Variants in GRIK1 observed in about 807,000 individuals in gnomAD.
GRIK1 encodes the protein glutamate receptor ionotropic, kainate 1.
In GRIK1, 69 loss-of-function variants were observed where a neutral mutation model predicts 105.7. That is an observed-to-expected ratio of 0.65 (90% CI 0.54 to 0.80). GRIK1 has a LOEUF of 0.80. Among genes scored for constraint, GRIK1 ranks in the 30% least tolerant of loss-of-function variants. The probability of loss-of-function intolerance (pLI) is 0.00; values close to 1 mark genes in which losing one functional copy is unlikely to be tolerated. For synonymous variants in GRIK1, 438 were observed against 431.3 expected (o/e 1.02, Z -0.19); for missense variants, 1,109 against 1,167.3 (o/e 0.95, Z 0.73).
chr21:29,633,888 G>A (rs1446396256), intron 7 of GRIK1, among the ~76,000 whole-genome samples: 2 of 152,160 alleles, frequency 1.3e-5, no homozygotes, highest in African/African-American at 4.8e-5. Context: ...TTTTTCTGAA[G>A]AGTAGAAATT....
At chr21:29,706,093 CA>C (rs2063902323) in intron 1 of GRIK1, among the ~76,000 whole-genome samples, 1 of 152,098 alleles carries the variant, frequency 6.6e-6, no homozygotes, top group East Asian at 1.9e-4. Context: ...AGGCTGGTCT[CA>C]AACTCCTGAC....
At chr21:29,791,725 T>C in intron 1 of GRIK1, among the ~76,000 whole-genome samples, 1 of 152,150 alleles carries the variant, frequency 6.6e-6, no homozygotes, top group East Asian at 1.9e-4. Flanking sequence ...AGAGAAATGC[T>C]GACTACTAAG....
intron 1 of GRIK1, among the ~76,000 whole-genome samples, chr21:29,762,475 T>C (rs2065552341): frequency 1.3e-5 from 2 of 152,218 alleles, no homozygotes; most frequent in South Asian, 4.1e-4. Context: ...AACTTATTCA[T>C]CCTAGTCTTC....
intron 4 of GRIK1, among the ~76,000 whole-genome samples, chr21:29,672,582 G>C (rs879484748): frequency 6.6e-6 from 1 of 152,142 alleles, no homozygotes; most frequent in Non-Finnish European, 1.5e-5. Flanking sequence ...TGACAAAAAG[G>C]TCTTGCCATG....
At chr21:29,840,808 T>C (rs556315449) in intron 1 of GRIK1, among the ~76,000 whole-genome samples, 1 of 152,130 alleles carries the variant, frequency 6.6e-6, no homozygotes, top group South Asian at 2.1e-4. Flanking sequence ...AATCCAAAAA[T>C]AATACACTAT....
At chr21:29,643,057 TC>T in intron 6 of GRIK1, 88 bp from the exon 7 acceptor site, 4 of 1,284,862 alleles carry the variant, frequency 3.1e-6, no homozygotes. Context: ...CTTCCATAGC[TC>T]TTATCTGTCT....
chr21:29,787,761 A>G (rs2066298147), intron 1 of GRIK1, among the ~76,000 whole-genome samples: 1 of 152,206 alleles, frequency 6.6e-6, no homozygotes, highest in African/African-American at 2.4e-5. Flanking sequence ...TGCAACAGAC[A>G]TTTTTTGGTA....
At chr21:29,817,816 C>G (rs2067194296) in intron 1 of GRIK1, among the ~76,000 whole-genome samples, 1 of 152,090 alleles carries the variant, frequency 6.6e-6, no homozygotes, top group Admixed American at 6.6e-5. Flanking sequence ...ATAATAAATA[C>G]AGAGTCATTT....
intron 7 of GRIK1, among the ~76,000 whole-genome samples, chr21:29,635,978 A>G (rs1485004433): frequency 6.6e-6 from 1 of 152,212 alleles, no homozygotes; most frequent in Non-Finnish European, 1.5e-5. Context: ...AATTAGCTTC[A>G]GAAATCTCCC....
chr21:29,628,585 A>C (rs1601317594), intron 7 of GRIK1, among the ~76,000 whole-genome samples: 1 of 152,166 alleles, frequency 6.6e-6, no homozygotes, highest in South Asian at 2.1e-4. Context: ...ACAAAAAGCT[A>C]GTTTTGTTTG....
At chr21:29,867,890 GAGAGAGAGAGAGAA>G (rs1569174341) in intron 1 of GRIK1, among the ~76,000 whole-genome samples, 2,012 of 136,492 alleles carry the variant, frequency 0.015, 60 homozygotes, top group African/African-American at 0.057. Context: ...GAGAGAAAGA[GAGAGAGAGAGAGAA>G]AGAAAGAGAG....
chr21:29,770,088 G>A (rs533654810), intron 1 of GRIK1, among the ~76,000 whole-genome samples: 1 of 152,200 alleles, frequency 6.6e-6, no homozygotes, highest in East Asian at 1.9e-4. Context: ...TCTGGATGCG[G>A]GGAGATCTTC....
chr21:29,812,284 A>T (rs1265904321), intron 1 of GRIK1, among the ~76,000 whole-genome samples: 1 of 152,168 alleles, frequency 6.6e-6, no homozygotes, highest in African/African-American at 2.4e-5. Context: ...TAAGAAAGAC[A>T]GGCATGGTGC....
chr21:29,731,128 A>G (rs2064615500), intron 1 of GRIK1, among the ~76,000 whole-genome samples: 1 of 152,204 alleles, frequency 6.6e-6, no homozygotes, highest in Non-Finnish European at 1.5e-5. Flanking sequence ...TCCCATCAAA[A>G]CTTTCACAAA....
intron 1 of GRIK1, among the ~76,000 whole-genome samples, chr21:29,709,713 C>G (rs568036661): frequency 8.1e-4 from 122 of 151,004 alleles, no homozygotes; most frequent in African/African-American, 2.7e-3. Context: ...ATATTTTTTC[C>G]TAGGTATTTT....
At chr21:29,732,784 G>A (rs1431519674) in intron 1 of GRIK1, among the ~76,000 whole-genome samples, 3 of 152,142 alleles carry the variant, frequency 2.0e-5, no homozygotes, top group African/African-American at 4.8e-5. Flanking sequence ...GAAAACAAAT[G>A]GGATCTGAAT....
intron 16 of GRIK1, among the ~76,000 whole-genome samples, chr21:29,545,724 C>T (rs1168401152): frequency 6.6e-6 from 1 of 152,042 alleles, no homozygotes; most frequent in Non-Finnish European, 1.5e-5. Context: ...TGCACGTATG[C>T]ACTACATGCA....
intron 4 of GRIK1, among the ~76,000 whole-genome samples, chr21:29,665,991 A>G (rs1386418235): frequency 6.6e-6 from 1 of 152,214 alleles, no homozygotes; most frequent in African/African-American, 2.4e-5. Flanking sequence ...AAAAAGCAGA[A>G]TTTGCAAATG....
intron 1 of GRIK1, among the ~76,000 whole-genome samples, chr21:29,701,861 A>C (rs1426582120): frequency 6.6e-6 from 1 of 152,202 alleles, no homozygotes; most frequent in African/African-American, 2.4e-5. Context: ...CTTCGGCAGG[A>C]TTTGCTGATG....
Sources: gnomAD v4.1 joint callset for allele counts (sites outside exome capture counted in the v4.1 genomes callset) on GRCh38, gnomAD v4.1.1 for gene constraint, MANE v1.5 for transcripts, NCBI Gene and HGNC (gene_info 2026-07-23, HGNC 2026-07-21) for gene names.